SH3RF3: variants seen among roughly 807,000 people sequenced by gnomAD.
The protein encoded by SH3RF3 is E3 ubiquitin-protein ligase SH3RF3.
In SH3RF3, 29 loss-of-function variants were observed where a neutral mutation model predicts 66.3. The observed-to-expected ratio is 0.44, with a 90% CI of 0.33 to 0.60. The LOEUF (loss-of-function observed/expected upper bound fraction) is 0.60, where lower values mean the gene tolerates loss of function less well. SH3RF3 is among the 20% of genes least tolerant of loss of function. SH3RF3 has a pLI of 0.04. For missense variants in SH3RF3, 1,194 were observed against 1,190.9 expected (o/e 1.00, Z -0.04); for synonymous variants, 583 against 532.0 (o/e 1.10, Z -1.32).
At chr2:109,451,124 G>C (rs1462335544) in intron 8 of SH3RF3, among the ~76,000 whole-genome samples, 2 of 152,370 alleles carry the variant, frequency 1.3e-5, no homozygotes, top group African/African-American at 4.8e-5. Context: ...AGCAATGGTT[G>C]TTCCCGTGCT....
Position 109,419,579 on chromosome 2 carries a change from C to G in SH3RF3, c.1340C>G (p.Pro447Arg). The G allele has an allele frequency of 6.3e-7, 1 of 1,598,744 alleles. No homozygotes were observed. Among genetic ancestry groups the G allele is most frequent in the East Asian group, 2.3e-5 (1 of 44,244 alleles). The change falls in exon 5 of 10, where the codon CCA becomes CGA. Residue 447 changes from proline to arginine, a missense_variant. Pro to Arg is a moderately radical substitution (Grantham distance 103). Transcript: ENST00000309415. The stretch of plus-strand genomic sequence containing the variant: ...GCGGGATCTACCCCCACGGCTGTCC[C>G]ACGGGCTGCCTCGGTGTCTGGAGAG... ...SSAGSTPTAV[P>R]RAASVSGEQG...
chr2:109,319,485 G>C (rs1261111853), intron 1 of SH3RF3, among the ~76,000 whole-genome samples: 3 of 152,178 alleles, frequency 2.0e-5, no homozygotes, highest in Non-Finnish European at 4.4e-5. Flanking sequence ...ACTTCTGCTG[G>C]GGTAGTGACG....
At chr2:109,364,159 G>GT (rs564757649) in intron 2 of SH3RF3, among the ~76,000 whole-genome samples, 1,935 of 141,724 alleles carry the variant, frequency 0.014, 23 homozygotes, top group African/African-American at 0.03. Flanking sequence ...CTCCATTATG[G>GT]TTTTTTTTTT....
At chr2:109,400,415 C>G (rs893502326) in intron 4 of SH3RF3, among the ~76,000 whole-genome samples, 13 of 152,178 alleles carry the variant, frequency 8.5e-5, no homozygotes, top group African/African-American at 3.1e-4. Flanking sequence ...CACATATACA[C>G]CTGTGCACAT....
chr2:109,439,263 G>A (rs1342243749), intron 7 of SH3RF3, among the ~76,000 whole-genome samples: 1 of 152,112 alleles, frequency 6.6e-6, no homozygotes, highest in Non-Finnish European at 1.5e-5. Flanking sequence ...GGGAGAGTGA[G>A]GCACGGGATG....
chr2:109,175,347 A>G (rs1677893530), intron 1 of SH3RF3, among the ~76,000 whole-genome samples: 1 of 152,224 alleles, frequency 6.6e-6, no homozygotes, highest in African/African-American at 2.4e-5. Flanking sequence ...ATCCTGCAGC[A>G]CAGAAACAAA....
intron 1 of SH3RF3, among the ~76,000 whole-genome samples, chr2:109,326,388 A>G (rs568617716): frequency 6.6e-6 from 1 of 152,150 alleles, no homozygotes; most frequent in Admixed American, 6.6e-5. Context: ...GTAGAAGTAC[A>G]TCCTTACCCT....
At chr2:109,415,149 AT>A (rs5833332) in intron 4 of SH3RF3, among the ~76,000 whole-genome samples, 94,545 of 152,004 alleles carry the variant, frequency 0.62, 30,413 homozygotes, top group East Asian at 0.84. Context: ...AAGGCAGGGA[AT>A]TGGAGTCTCC....
At chr2:109,189,890 G>T (rs1187080061) in intron 1 of SH3RF3, among the ~76,000 whole-genome samples, 1 of 152,132 alleles carries the variant, frequency 6.6e-6, no homozygotes, top group East Asian at 1.9e-4. Flanking sequence ...AGGTTGGAGC[G>T]ATCATACTTT....
chr2:109,221,903 C>T (rs943392358), intron 1 of SH3RF3, among the ~76,000 whole-genome samples: 2 of 152,104 alleles, frequency 1.3e-5, no homozygotes, highest in Non-Finnish European at 2.9e-5. Flanking sequence ...GATACCTGCA[C>T]CCCTGCATTT....
chr2:109,227,681 G>A (rs1262948179), intron 1 of SH3RF3, among the ~76,000 whole-genome samples: 1 of 152,198 alleles, frequency 6.6e-6, no homozygotes, highest in Admixed American at 6.5e-5. Flanking sequence ...CTTCTGTGCT[G>A]TGCTCCCTGC....
At chr2:109,243,415 A>G (rs1464507040) in intron 1 of SH3RF3, among the ~76,000 whole-genome samples, 1 of 152,214 alleles carries the variant, frequency 6.6e-6, no homozygotes, top group South Asian at 2.1e-4. Context: ...TTCTTCTTGC[A>G]TCAAGTGTGT....
At chr2:109,486,116 C>T (rs1157215769) in intron 8 of SH3RF3, among the ~76,000 whole-genome samples, 1 of 152,208 alleles carries the variant, frequency 6.6e-6, no homozygotes, top group African/African-American at 2.4e-5. Flanking sequence ...CCTTTCTTCA[C>T]CTTCCCAAGG....
chr2:109,232,479 G>A (rs779600736), intron 1 of SH3RF3, among the ~76,000 whole-genome samples: 2 of 152,156 alleles, frequency 1.3e-5, no homozygotes, highest in African/African-American at 4.8e-5. Flanking sequence ...CACCTGTCCC[G>A]TAGGGTGCTT....
intron 1 of SH3RF3, among the ~76,000 whole-genome samples, chr2:109,267,634 G>A (rs889201615): frequency 2.6e-5 from 4 of 152,182 alleles, no homozygotes; most frequent in Non-Finnish European, 4.4e-5. Context: ...GGGAGCCAGG[G>A]GAGCCACTCC....
intron 1 of SH3RF3, among the ~76,000 whole-genome samples, chr2:109,256,978 C>T (rs1390170201): frequency 1.3e-5 from 2 of 152,170 alleles, no homozygotes; most frequent in Non-Finnish European, 2.9e-5. Flanking sequence ...GGGAGTTATT[C>T]CGCCTCTGCT....
intron 3 of SH3RF3, among the ~76,000 whole-genome samples, chr2:109,388,858 G>A (rs1431855024): frequency 6.6e-6 from 1 of 152,156 alleles, no homozygotes; most frequent in African/African-American, 2.4e-5. Context: ...GTATAGAGAC[G>A]GGAGGGAAGG....
chr2:109,407,640 C>T (rs1274055922), intron 4 of SH3RF3, among the ~76,000 whole-genome samples: 1 of 152,194 alleles, frequency 6.6e-6, no homozygotes, highest in Non-Finnish European at 1.5e-5. Flanking sequence ...AAGCTGCCTG[C>T]ATAGCAGAGC....
At chr2:109,392,541 G>A (rs560948348) in intron 3 of SH3RF3, among the ~76,000 whole-genome samples, 63 of 151,700 alleles carry the variant, frequency 4.2e-4, no homozygotes, top group African/African-American at 1.5e-3. Flanking sequence ...ACGGAGTCTC[G>A]CACTGTTGCC....
Sources: gnomAD v4.1 joint callset for allele counts (sites outside exome capture counted in the v4.1 genomes callset) on GRCh38, gnomAD v4.1.1 for gene constraint, MANE v1.5 for transcripts, NCBI Gene and HGNC (gene_info 2026-07-23, HGNC 2026-07-21) for gene names.